RPS15A: variants seen among roughly 807,000 people sequenced by gnomAD.
RPS15A encodes ribosomal protein S15a.
For missense variants in RPS15A, 62 were observed against 163.4 expected (o/e 0.38, Z 3.38); for synonymous variants, 55 against 58.5 (o/e 0.94, Z 0.27).
rs1398272368 is a variant in RPS15A, at chr16:18,784,728, G to A, written c.299+10C>T. The stretch of plus-strand genomic sequence containing the variant: ...ATTAACTTCTTTTAATTAAGGAAAG[G>A]CCAACTTACCCAAACTGGCGGGATG... On this transcript the variant is annotated intron_variant, in intron 4 of 4. Coordinates refer to ENST00000322989, the MANE Select transcript of RPS15A (RefSeq NM_001019.5). 1.3e-6 allele frequency: 2 copies of A among 1,591,394 alleles called. No homozygotes were observed.
At chr16:18,784,521 C>T (rs1904016220) in intron 4 of RPS15A, 3 of 472,970 alleles carry the variant, frequency 6.3e-6, no homozygotes, top group Admixed American at 8.4e-5. Context: ...GCTAGGATCA[C>T]AGGCGTGAGC....
intron 3 of RPS15A, 48 bp downstream of exon 3, chr16:18,788,015 A>C (rs1177192030): frequency 4.4e-6 from 5 of 1,126,480 alleles, no homozygotes; most frequent in Non-Finnish European, 6.8e-6. Context: ...TTAACGCCAC[A>C]GTAAAAAATT....
At chr16:18,787,870 A>G (rs375777853) in intron 3 of RPS15A, among the ~76,000 whole-genome samples, 193 bp downstream of exon 3, 24 of 152,202 alleles carry the variant, frequency 1.6e-4, no homozygotes, top group Admixed American at 3.3e-4. Flanking sequence ...CACTAGGTCA[A>G]CTGACATAAT....
intron 4 of RPS15A, 118 bp from the exon 5 acceptor site, chr16:18,783,220 G>C: frequency 1.5e-6 from 1 of 654,594 alleles, no homozygotes; most frequent in South Asian, 1.8e-5. Context: ...GGGCACATAG[G>C]AACTGACAGT....
chr16:18,789,217 A>C, intron 1 of RPS15A, 99 bp from the exon 2 acceptor site: 1 of 1,263,426 alleles, frequency 7.9e-7, no homozygotes, highest in East Asian at 2.5e-5. Context: ...TTCTGGCCCC[A>C]CCTTGGCGAA....
At chr16:18,783,276 T>C in intron 4 of RPS15A, 174 bp from the exon 5 acceptor site, 1 of 559,198 alleles carries the variant, frequency 1.8e-6, no homozygotes, top group South Asian at 2.3e-5. Flanking sequence ...CCATGACTCC[T>C]GCAACCCAAA....
intron 2 of RPS15A, 186 bp downstream of exon 2, chr16:18,788,795 C>G (rs951312362): frequency 1.7e-6 from 1 of 575,814 alleles, no homozygotes; most frequent in Non-Finnish European, 3.1e-6. Flanking sequence ...CTCCTTTTTC[C>G]AGCAGTCCTA....
intron 2 of RPS15A, 187 bp downstream of exon 2, chr16:18,788,793 TC>T (rs1026819166): frequency 3.5e-6 from 2 of 574,728 alleles, no homozygotes; most frequent in Admixed American, 3.6e-5. Context: ...AGCTCCTTTT[TC>T]CAGCAGTCCT....
chr16:18,787,902 G>A, intron 3 of RPS15A, 161 bp downstream of exon 3: 2 of 622,348 alleles, frequency 3.2e-6, no homozygotes, highest in Non-Finnish European at 2.9e-6. Context: ...CAACCCAGGA[G>A]AGCAAATGAA....
At chr16:18,787,262 T>C (rs1226040444) in intron 3 of RPS15A, among the ~76,000 whole-genome samples, 3 of 152,208 alleles carry the variant, frequency 2.0e-5, no homozygotes, top group African/African-American at 7.2e-5. Flanking sequence ...AGGGAGAGAA[T>C]ACAGTCATGG....
chr16:18,786,262 G>T, intron 3 of RPS15A: 1 of 221,502 alleles, frequency 4.5e-6, no homozygotes, highest in South Asian at 4.3e-5. Context: ...CTACTAGGGA[G>T]GCTGAGGCAG....
intron 4 of RPS15A, 57 bp downstream of exon 4, chr16:18,784,681 C>A (rs1223802074): frequency 4.5e-6 from 6 of 1,322,974 alleles, no homozygotes; most frequent in East Asian, 2.3e-5. Flanking sequence ...TTAAGTCAAA[C>A]TGCACCACAG....
At chr16:18,789,200 C>G (rs2029969544) in intron 1 of RPS15A, 82 bp from the exon 2 acceptor site, 1 of 1,384,336 alleles carries the variant, frequency 7.2e-7, no homozygotes, top group African/African-American at 1.4e-5. Flanking sequence ...CGGAAGTATC[C>G]TTTCCTTTCT....
intron 2 of RPS15A, 164 bp downstream of exon 2, chr16:18,788,815 ACT>A (rs1237004914): frequency 1.4e-4 from 90 of 659,874 alleles, no homozygotes; most frequent in Middle Eastern, 4.3e-4. Context: ...ACTCTAAGTG[ACT>A]CTTCAGCAGT....
intron 2 of RPS15A, 47 bp downstream of exon 2, chr16:18,788,934 T>TA (rs1234919559): frequency 4.4e-6 from 7 of 1,581,028 alleles, no homozygotes; most frequent in South Asian, 2.3e-5. Context: ...ACTGATTTCT[T>TA]AGAGAGTCTC....
chr16:18,789,275 G>T, intron 1 of RPS15A, 157 bp from the exon 2 acceptor site: 1 of 655,136 alleles, frequency 1.5e-6, no homozygotes, highest in African/African-American at 1.8e-5. Flanking sequence ...CACCACCCAG[G>T]AAAATTCCTA....
chr16:18,789,225 G>A (rs944300934), intron 1 of RPS15A, 107 bp from the exon 2 acceptor site: 10 of 1,160,656 alleles, frequency 8.6e-6, no homozygotes, highest in Non-Finnish European at 1.1e-5. Context: ...CCACCTTGGC[G>A]AAGTTTTCTC....
At chr16:18,789,329 C>A (rs2029972862) in intron 1 of RPS15A, among the ~76,000 whole-genome samples, 1 of 152,240 alleles carries the variant, frequency 6.6e-6, no homozygotes, top group African/African-American at 2.4e-5. Flanking sequence ...CGTCAGCCTG[C>A]ACATTTTGAA....
Position 18,788,058 on chromosome 16 carries a change from C to T in RPS15A, c.213+5G>A. 1 of 1,527,976 alleles carries T rather than the reference C, an allele frequency of 6.5e-7. No individual in the cohort carries two copies. Among genetic ancestry groups the T allele is most frequent in the Non-Finnish European group, 8.9e-7 (1 of 1,125,554 alleles). 94.7% of individuals were successfully genotyped at this position (1,527,976 alleles called of 1,614,324 possible). A position where few individuals can be genotyped will look rare whatever the true frequency, so the allele number is the denominator to read the frequency against. On this transcript the variant is annotated splice_donor_5th_base_variant and intron_variant, in intron 3 of 4. Transcript: ENST00000322989. The stretch of plus-strand genomic sequence containing the variant: ...CTTTGAAATGTGTAGATCACTCGTT[C>T]TTACCTTGTTTAGCCTGCCTGTGAG...
Sources: gnomAD v4.1 joint callset for allele counts (sites outside exome capture counted in the v4.1 genomes callset) on GRCh38, gnomAD v4.1.1 for gene constraint, MANE v1.5 for transcripts, NCBI Gene and HGNC (gene_info 2026-07-23, HGNC 2026-07-21) for gene names.